Variants in SEC24D observed in about 807,000 individuals in gnomAD.
SEC24D encodes SEC24 homolog D, COPII component.
SEC24D carries 69 observed loss-of-function variants against 116.9 expected under a neutral mutation model. That is an observed-to-expected ratio of 0.59 (90% CI 0.49 to 0.72). SEC24D has a LOEUF of 0.72. Ranked by LOEUF, SEC24D falls within the 30% of genes least tolerant of loss-of-function variation. The pLI, the probability that SEC24D is intolerant of heterozygous loss-of-function variation, is 0.00. For synonymous variants in SEC24D, 405 were observed against 442.8 expected (o/e 0.91, Z 1.07); for missense variants, 1,131 against 1,264.1 (o/e 0.89, Z 1.60).
chr4:118,751,762 G>T (rs1485791189), intron 13 of SEC24D, among the ~76,000 whole-genome samples: 1 of 152,168 alleles, frequency 6.6e-6, no homozygotes, highest in Non-Finnish European at 1.5e-5. Flanking sequence ...AGCTAAACTG[G>T]AAATCCTGGC....
rs376313937 is a variant in SEC24D at position 118,757,808 on chromosome 4, A to G, written c.1334T>C (p.Met445Thr). ...KPPNPPAFIF[M>T]IDVSYSNIKN... ...TATGTTACTATATGAAACATCAATC[A>G]TGAAGATAAAGGCTGGTGGGTTGGG... Residue 445 changes from methionine (M) to threonine (T), a missense_variant, in exon 11 of 23, where the codon ATG becomes ACG. Met to Thr is a moderately conservative substitution (Grantham distance 81, BLOSUM62 -1). Coordinates refer to ENST00000280551, the MANE Select transcript of SEC24D (RefSeq NM_014822.4). The G allele has an allele frequency of 4.0e-5, 65 of 1,612,082 alleles. No individual in the cohort carries two copies. The highest frequency in any genetic ancestry group is 5.2e-5 in the Non-Finnish European group (61 of 1,178,970).
chr4:118,807,943 C>T (rs1315023884), intron 6 of SEC24D, among the ~76,000 whole-genome samples: 1 of 152,126 alleles, frequency 6.6e-6, no homozygotes, highest in East Asian at 1.9e-4. Context: ...CAAGGTTAAT[C>T]GGATTCATTA....
At chr4:118,830,246 A>C (rs929394820) in intron 2 of SEC24D, among the ~76,000 whole-genome samples, 1 of 152,248 alleles carries the variant, frequency 6.6e-6, no homozygotes, top group Non-Finnish European at 1.5e-5. Flanking sequence ...TGAAGGATTT[A>C]ATCCAACAAA....
At chr4:118,783,475 T>C (rs1188900836) in intron 8 of SEC24D, among the ~76,000 whole-genome samples, 1 of 152,236 alleles carries the variant, frequency 6.6e-6, no homozygotes, top group Non-Finnish European at 1.5e-5. Context: ...CTCTGTTCAC[T>C]GACATATCTC....
rs769951712 is a variant in SEC24D at position 118,732,829 on chromosome 4, C to G, written c.2580G>C (p.Glu860Asp). The G allele has an allele frequency of 6.2e-7, 1 of 1,614,128 alleles. No homozygotes were observed. Among genetic ancestry groups the G allele is most frequent in the South Asian group, 1.1e-5 (1 of 91,080 alleles). Residue 860 changes from glutamate to aspartate, a missense_variant, in exon 20 of 23, where the codon GAG (glutamate) becomes GAC (aspartate). By Grantham distance (45) the Glu-to-Asp change is conservative. Transcript: ENST00000280551. ...GGTATGCTCGTTCATCAGTTGAGAT[C>G]TCTGGTCTGCTGAGTAGTACACAGT... ...LKNCVLLSRP[E>D]ISTDERAYQR...
intron 3 of SEC24D, among the ~76,000 whole-genome samples, chr4:118,818,925 A>G (rs543218827): frequency 6.6e-6 from 1 of 152,360 alleles, no homozygotes; most frequent in South Asian, 2.1e-4. Flanking sequence ...AAACTTTTCA[A>G]AAAGCCCAAC....
intron 13 of SEC24D, among the ~76,000 whole-genome samples, chr4:118,749,690 G>A (rs183555177): frequency 1.3e-5 from 2 of 152,124 alleles, no homozygotes; most frequent in African/African-American, 2.4e-5. Context: ...TATAACCAAC[G>A]AACATTATGT....
In SEC24D at chr4:118,744,172, GC is replaced by G. The variant is rs747781203; in HGVS notation, c.1825-15del. The G allele has an allele frequency of 1.1e-5, 17 of 1,506,604 alleles. No homozygotes were observed. The African/African-American group carries it at 2.2e-4, about 19-fold the overall frequency. 93.3% of individuals were successfully genotyped at this position (1,506,604 alleles called of 1,614,324 possible). ...CTGGAAAAGTATCTGGAAAAAAGATGCAAAAAAAAAGAAAAAATAAAAATTA... is the reference window on the plus strand; with the variant it reads ...CTGGAAAAGTATCTGGAAAAAAGATGAAAAAAAAAGAAAAAATAAAAATTA... On this transcript the variant is annotated splice_polypyrimidine_tract_variant and intron_variant, in intron 14 of 22. Transcript: ENST00000280551.
At chr4:118,785,546 T>C (rs1728631581) in intron 8 of SEC24D, among the ~76,000 whole-genome samples, 1 of 152,136 alleles carries the variant, frequency 6.6e-6, no homozygotes. Context: ...GACAGAATAG[T>C]GTGAAGGAGT....
intron 9 of SEC24D, among the ~76,000 whole-genome samples, chr4:118,767,320 C>G (rs1458496636): frequency 6.6e-6 from 1 of 152,192 alleles, no homozygotes; most frequent in Non-Finnish European, 1.5e-5. Flanking sequence ...CCAGCTCAGT[C>G]AGCATTAGGG....
chr4:118,834,055 T>C (rs1423485582), intron 1 of SEC24D, among the ~76,000 whole-genome samples: 5 of 152,230 alleles, frequency 3.3e-5, no homozygotes, highest in Non-Finnish European at 5.9e-5. Flanking sequence ...GTTCCTATGA[T>C]TTTGTGCTTT....
At chr4:118,760,393 C>T (rs1019949154) in intron 10 of SEC24D, 3 of 152,186 alleles carry the variant, frequency 2.0e-5, no homozygotes, top group Non-Finnish European at 4.4e-5. Context: ...CTACATACCT[C>T]ATATAGAATC....
At chr4:118,831,789 G>T (rs1234965488) in intron 2 of SEC24D, among the ~76,000 whole-genome samples, 1 of 152,082 alleles carries the variant, frequency 6.6e-6, no homozygotes, top group African/African-American at 2.4e-5. Flanking sequence ...TTCTGTGAAT[G>T]ATCCAGCTTA....
chr4:118,754,453 CACTTA>C (rs1458329347), intron 11 of SEC24D, among the ~76,000 whole-genome samples: 2 of 152,110 alleles, frequency 1.3e-5, no homozygotes, highest in African/African-American at 4.8e-5. Flanking sequence ...CTCTTCTAAA[CACTTA>C]TAAATCATTC....
chr4:118,800,505 T>G (rs998986741), intron 7 of SEC24D, among the ~76,000 whole-genome samples: 4 of 152,208 alleles, frequency 2.6e-5, no homozygotes, highest in African/African-American at 9.7e-5. Flanking sequence ...GTATTCTGAT[T>G]TTTAAATAAT....
At chr4:118,798,388 T>G (rs998251000) in intron 7 of SEC24D, among the ~76,000 whole-genome samples, 3 of 152,228 alleles carry the variant, frequency 2.0e-5, no homozygotes, top group Admixed American at 6.5e-5. Flanking sequence ...CTATTTTTAA[T>G]AGATGTTAGG....
rs371219848 is a variant in SEC24D at position 118,768,358 on chromosome 4, T to C, written c.1042-47A>G. ...TAAATGAACAGGTGAGTATAGGATT[T>C]CTAGGTACTATAATTTGGGAAGTCT... On this transcript the variant is annotated intron_variant, in intron 8 of 22. Coordinates refer to ENST00000280551, the MANE Select transcript of SEC24D (RefSeq NM_014822.4). The C allele has an allele frequency of 1.1e-5, 17 of 1,534,520 alleles. No homozygotes were observed. The African/African-American group carries it at 2.2e-4, about 20-fold the overall frequency.
intron 22 of SEC24D, among the ~76,000 whole-genome samples, chr4:118,724,892 G>A (rs1348365556): frequency 6.6e-6 from 1 of 152,174 alleles, no homozygotes; most frequent in Non-Finnish European, 1.5e-5. Flanking sequence ...CCTCTCAGGA[G>A]GTAAACCCAC....
rs1049918667 is a variant in SEC24D, at chr4:118,797,795, C to G, written c.929G>C (p.Arg310Pro). ...ACAGTATGTTGTACAACGGATGAAT[C>G]GAGGACTGGCATTTCCTGAAACATT... ...MIQDQGNASP[R>P]FIRCTTYCFP... The change falls in exon 8 of 23, where the codon CGA (arginine) becomes CCA (proline). Residue 310 changes from arginine (R) to proline (P), a missense_variant. By Grantham distance (103) the Arg-to-Pro change is moderately radical. Transcript: ENST00000280551. The G allele has an allele frequency of 6.2e-7, 1 of 1,600,350 alleles. No individual in the cohort carries two copies. Among genetic ancestry groups the G allele is most frequent in the African/African-American group, 1.3e-5 (1 of 74,890 alleles).
Sources: allele counts gnomAD v4.1 joint callset (sites outside exome capture counted in the v4.1 genomes callset), GRCh38; gene constraint gnomAD v4.1.1; transcripts MANE v1.5; gene names NCBI Gene and HGNC (gene_info 2026-07-23, HGNC 2026-07-21).